Variants in SYT14 observed in about 807,000 individuals in gnomAD.
The protein encoded by SYT14 is synaptotagmin 14.
A neutral mutation model predicts 74.2 loss-of-function variants in SYT14; 32 were observed. The ratio of observed to expected loss-of-function variants is 0.43; its 90% CI spans 0.33 to 0.58. SYT14 has a LOEUF of 0.58. Ranked by LOEUF, SYT14 falls within the 20% of genes least tolerant of loss-of-function variation. The pLI is 0.05. For missense variants in SYT14, 791 were observed against 981.8 expected (o/e 0.81, Z 2.60); for synonymous variants, 298 against 337.7 (o/e 0.88, Z 1.29).
intron 7 of SYT14, among the ~76,000 whole-genome samples, chr1:210,126,764 TTC>T (rs1382138233): frequency 6.6e-6 from 1 of 152,226 alleles, no homozygotes; most frequent in Non-Finnish European, 1.5e-5. Flanking sequence ...AAGTGCTGAA[TTC>T]TCTCTTTGTG....
intron 2 of SYT14, among the ~76,000 whole-genome samples, chr1:209,987,869 A>G (rs1177593365): frequency 6.6e-6 from 1 of 151,906 alleles, no homozygotes; most frequent in Non-Finnish European, 1.5e-5. Context: ...ATAATGTGTA[A>G]TTTTTCTGAC....
chr1:210,160,580 C>T, intron 9 of SYT14, 149 bp from the exon 9 acceptor site: 2 of 696,262 alleles, frequency 2.9e-6, no homozygotes, highest in East Asian at 5.4e-5. Flanking sequence ...TAAGCATCTA[C>T]ATCAAAATGG....
intron 5 of SYT14, among the ~76,000 whole-genome samples, chr1:210,047,082 G>C (rs1284581312): frequency 6.6e-6 from 1 of 151,922 alleles, no homozygotes; most frequent in East Asian, 1.9e-4. Context: ...ATATTGATAG[G>C]TATAGTTAAA....
chr1:210,007,603 T>A (rs1328999496), intron 2 of SYT14, among the ~76,000 whole-genome samples: 5 of 152,114 alleles, frequency 3.3e-5, no homozygotes, highest in Admixed American at 6.5e-5. Context: ...TTGAAATTGC[T>A]TGCTATTTTT....
chr1:210,015,781 C>A, exon 4 of SYT14: 1 of 829,388 alleles, frequency 1.2e-6, no homozygotes, highest in Non-Finnish European at 1.6e-6. Context: ...ACGTTTAAAC[C>A]AAGTGGTTTG....
exon 6 of SYT14, chr1:210,094,366 T>C (rs750593811): frequency 1.2e-6 from 2 of 1,613,952 alleles, no homozygotes; most frequent in Non-Finnish European, 8.5e-7. Context: ...GCTGGATGAA[T>C]TGCAGCCACC....
intron 1 of SYT14, among the ~76,000 whole-genome samples, chr1:209,952,203 T>A (rs1394358033): frequency 6.9e-6 from 1 of 145,292 alleles, no homozygotes; most frequent in Non-Finnish European, 1.6e-5. Context: ...AATCAAAATA[T>A]TTTTTAAAGT....
intron 1 of SYT14, among the ~76,000 whole-genome samples, chr1:209,938,792 T>TG (rs759879142): frequency 6.6e-6 from 1 of 152,106 alleles, no homozygotes; most frequent in Non-Finnish European, 1.5e-5. Context: ...GGGCTGATGC[T>TG]GGGTTACACT....
intron 2 of SYT14, among the ~76,000 whole-genome samples, chr1:209,968,199 C>G (rs1433445546): frequency 6.6e-6 from 1 of 152,074 alleles, no homozygotes; most frequent in Non-Finnish European, 1.5e-5. Context: ...TGACTGAGAC[C>G]TTGTTTTCTA....
At chr1:210,084,066 A>G (rs979961535) in intron 5 of SYT14, among the ~76,000 whole-genome samples, 13 of 152,158 alleles carry the variant, frequency 8.5e-5, no homozygotes, top group African/African-American at 2.7e-4. Context: ...GGGCTTCCCA[A>G]TGATATTTTT....
chr1:210,027,189 T>C (rs1050046450), intron 5 of SYT14, among the ~76,000 whole-genome samples: 1 of 151,968 alleles, frequency 6.6e-6, no homozygotes, highest in South Asian at 2.1e-4. Context: ...AAAAAGAAAA[T>C]GTTATTAAGA....
intron 1 of SYT14, among the ~76,000 whole-genome samples, chr1:209,949,679 T>G (rs532037247): frequency 6.6e-6 from 1 of 152,378 alleles, no homozygotes; most frequent in South Asian, 2.1e-4. Context: ...TTCTTGAATT[T>G]TATTTTATTG....
intron 5 of SYT14, among the ~76,000 whole-genome samples, chr1:210,031,219 T>A (rs2080527810): frequency 6.6e-6 from 1 of 151,992 alleles, no homozygotes; most frequent in African/African-American, 2.4e-5. Flanking sequence ...TTCAGCCATA[T>A]GTGATGGATA....
At chr1:209,978,594 G>T (rs1156758023) in intron 2 of SYT14, among the ~76,000 whole-genome samples, 1 of 152,168 alleles carries the variant, frequency 6.6e-6, no homozygotes, top group Non-Finnish European at 1.5e-5. Context: ...ACCTGGCCGT[G>T]TGAGGTGTCA....
intron 5 of SYT14, among the ~76,000 whole-genome samples, chr1:210,085,672 T>G (rs1037816375): frequency 6.6e-6 from 1 of 152,214 alleles, no homozygotes; most frequent in Non-Finnish European, 1.5e-5. Context: ...TAAATTAGAT[T>G]GATTAGTTCT....
chr1:210,100,685 C>T (rs1002850339), intron 7 of SYT14, among the ~76,000 whole-genome samples: 1 of 152,020 alleles, frequency 6.6e-6, no homozygotes, highest in African/African-American at 2.4e-5. Flanking sequence ...TTTATTTTAT[C>T]CTTCACAGAG....
chr1:210,094,523 T>C, exon 6 of SYT14: 1 of 1,613,278 alleles, frequency 6.2e-7, no homozygotes, highest in African/African-American at 1.3e-5. Context: ...GGTCATGAAA[T>C]AGAAAGTTTT....
chr1:210,055,982 A>G (rs373055279), intron 5 of SYT14, among the ~76,000 whole-genome samples: 2 of 152,158 alleles, frequency 1.3e-5, no homozygotes, highest in East Asian at 3.8e-4. Context: ...TTTTGATGCT[A>G]TTTTTAAAAA....
At chr1:210,126,271 G>A (rs2082568432) in intron 7 of SYT14, among the ~76,000 whole-genome samples, 1 of 151,758 alleles carries the variant, frequency 6.6e-6, no homozygotes, top group Non-Finnish European at 1.5e-5. Flanking sequence ...CCGTGTACTG[G>A]GTGCAATTTT....
Sources: allele counts gnomAD v4.1 joint callset (sites outside exome capture counted in the v4.1 genomes callset), GRCh38; gene constraint gnomAD v4.1.1; transcripts MANE v1.5; gene names NCBI Gene and HGNC (gene_info 2026-07-23, HGNC 2026-07-21).